The following ABCB1 variants were observed in gnomAD, a reference collection of about 807,000 sequenced individuals.
The protein encoded by ABCB1 is ATP binding cassette subfamily B member 1.
In ABCB1, 69 loss-of-function variants were observed where a neutral mutation model predicts 142.0. That is an observed-to-expected ratio of 0.49 (90% CI 0.40 to 0.59). The LOEUF (loss-of-function observed/expected upper bound fraction) is 0.59, where lower values mean the gene tolerates loss of function less well. Ranked by LOEUF, ABCB1 falls within the 20% of genes least tolerant of loss-of-function variation. ABCB1 has a pLI of 0.00. For synonymous variants in ABCB1, 532 were observed against 539.2 expected, an observed-to-expected ratio of 0.99 and a Z score of 0.18; for missense variants, 1,326 against 1,554.7, an observed-to-expected ratio of 0.85 and a Z score of 2.47.
rs558484702 is a variant in ABCB1 at position 87,637,395 on chromosome 7, ATTC to A, written c.-330-36320_-330-36318del. Among the ~76,000 whole-genome samples the A allele has an allele frequency of 7.2e-3, 1,101 of 152,240 alleles. 12 individuals are homozygous for A. Among genetic ancestry groups the A allele is most frequent in the Non-Finnish European group, 8.9e-3 (608 of 67,992 alleles). On this transcript the variant is annotated intron_variant, in intron 1 of 28. Transcript: ENST00000265724. ...TTTATTTTTCAAGATTATCTTGGCT[ATTC>A]TTGGCCTTTTACAAACTAAATTTTA...
At chr7:87,523,354 A>C (rs1045634583) in intron 21 of ABCB1, among the ~76,000 whole-genome samples, 3 of 152,092 alleles carry the variant, frequency 2.0e-5, no homozygotes, top group Admixed American at 6.6e-5. Flanking sequence ...TGGGCTGGGT[A>C]TGGTGGCTCA....
At chr7:87,528,444 G>T (rs1815893525) in intron 21 of ABCB1, among the ~76,000 whole-genome samples, 1 of 151,748 alleles carries the variant, frequency 6.6e-6, no homozygotes, top group Non-Finnish European at 1.5e-5. Flanking sequence ...AGGCTACATG[G>T]CTTGTGAGTT....
rs1316799605 is a variant in ABCB1, at chr7:87,549,859, G to A, written c.1546C>T (p.Leu516=). The A allele has an allele frequency of 6.2e-7, 1 of 1,614,194 alleles. No individual in the cohort carries two copies. Among genetic ancestry groups the A allele is most frequent in the Non-Finnish European group, 8.5e-7 (1 of 1,180,030 alleles). The change falls in exon 13 of 28, where the codon CTG becomes TTG. Residue 516 remains leucine, a synonymous_variant. Coordinates refer to ENST00000622132, the MANE Select transcript of ABCB1 (RefSeq NM_001348946.2). ...GGGCAAGGACAACTTACATGAGGCA[G>A]TTTCATGATAAAGTCATAGGCATTG... ...EANAYDFIMK[L]PHKFDTLVGE...
intron 1 of ABCB1, among the ~76,000 whole-genome samples, chr7:87,683,070 T>G (rs535142769): frequency 2.0e-5 from 3 of 152,210 alleles, no homozygotes; most frequent in African/African-American, 7.2e-5. Flanking sequence ...ATTATTTTTT[T>G]ATGTACAGAG....
At chr7:87,548,571 G>C (rs1397311726) in intron 14 of ABCB1, among the ~76,000 whole-genome samples, 1 of 152,108 alleles carries the variant, frequency 6.6e-6, no homozygotes, top group Non-Finnish European at 1.5e-5. Flanking sequence ...TGTTTTATTA[G>C]AGACAGGGAG....
intron 25 of ABCB1, among the ~76,000 whole-genome samples, chr7:87,510,668 G>C (rs577379945): frequency 6.6e-6 from 1 of 152,314 alleles, no homozygotes; most frequent in African/African-American, 2.4e-5. Flanking sequence ...GGCTCAAGGG[G>C]ACAGCTGCCT....
intron 1 of ABCB1, among the ~76,000 whole-genome samples, chr7:87,680,236 A>G (rs983238400): frequency 6.6e-6 from 1 of 150,416 alleles, no homozygotes. Context: ...GTAGTATTCC[A>G]TGGTGTGTAT....
At chr7:87,605,696 T>G (rs1020802518), upstream of ABCB1, among the ~76,000 whole-genome samples, 12 of 152,356 alleles carry the variant, frequency 7.9e-5, no homozygotes, top group African/African-American at 2.6e-4. Flanking sequence ...ACTTGATTTC[T>G]GTGTCATTTG....
intron 21 of ABCB1, among the ~76,000 whole-genome samples, chr7:87,525,381 A>G (rs1477058655): frequency 6.6e-6 from 1 of 152,148 alleles, no homozygotes; most frequent in Non-Finnish European, 1.5e-5. Context: ...TCTACAATGG[A>G]GCCTTGGACA....
At chr7:87,696,458 T>A (rs760984439) in intron 1 of ABCB1, among the ~76,000 whole-genome samples, 2 of 152,200 alleles carry the variant, frequency 1.3e-5, no homozygotes, top group Non-Finnish European at 2.9e-5. Context: ...GATAACTCAT[T>A]GAACACATCT....
intron 8 of ABCB1, among the ~76,000 whole-genome samples, chr7:87,558,766 C>T (rs1271231506): frequency 6.6e-6 from 1 of 151,782 alleles, no homozygotes; most frequent in African/African-American, 2.4e-5. Flanking sequence ...GTTTCTTATT[C>T]CTAGTTTTAC....
intron 4 of ABCB1, among the ~76,000 whole-genome samples, chr7:87,578,729 T>C (rs1447608069): frequency 6.8e-6 from 1 of 147,894 alleles, no homozygotes; most frequent in African/African-American, 2.5e-5. Context: ...AGTCTCGCTC[T>C]GTCGCCCAGG....
intron 5 of ABCB1, among the ~76,000 whole-genome samples, chr7:87,568,599 G>A (rs966633336): frequency 6.6e-5 from 10 of 152,164 alleles, no homozygotes; most frequent in Non-Finnish European, 1.5e-4. Context: ...TAGGTAACAA[G>A]CAGACAGTCT....
At chr7:87,528,453 T>C (rs1209935855) in intron 21 of ABCB1, among the ~76,000 whole-genome samples, 1 of 152,004 alleles carries the variant, frequency 6.6e-6, no homozygotes, top group Non-Finnish European at 1.5e-5. Flanking sequence ...GGCTTGTGAG[T>C]TTTTTCAAAT....
chr7:87,570,357 G>T, intron 4 of ABCB1, 134 bp from the exon 5 acceptor site: 1 of 875,074 alleles, frequency 1.1e-6, no homozygotes, highest in Non-Finnish European at 1.9e-6. Context: ...AGTTTTAATT[G>T]TGTGTAAGCA....
intron 1 of ABCB1, among the ~76,000 whole-genome samples, chr7:87,654,144 A>C (rs530833256): frequency 6.6e-6 from 1 of 152,152 alleles, no homozygotes; most frequent in East Asian, 1.9e-4. Context: ...TAAAATGTTT[A>C]TATTAACAAT....
At chr7:87,538,041 C>T (rs547178245) in intron 19 of ABCB1, among the ~76,000 whole-genome samples, 4 of 152,334 alleles carry the variant, frequency 2.6e-5, no homozygotes, top group African/African-American at 9.6e-5. Flanking sequence ...TCCTTGAACA[C>T]AGGGACCATT....
At chr7:87,648,180 G>C (rs1190547927) in intron 1 of ABCB1, among the ~76,000 whole-genome samples, 3 of 134,198 alleles carry the variant, frequency 2.2e-5, no homozygotes, top group Non-Finnish European at 4.7e-5. Context: ...GCGAGACTCT[G>C]TCTCAAAAAA....
intron 1 of ABCB1, among the ~76,000 whole-genome samples, chr7:87,619,070 C>T (rs752448671): frequency 6.6e-6 from 1 of 152,188 alleles, no homozygotes; most frequent in African/African-American, 2.4e-5. Context: ...AGACTTCTGA[C>T]CTACAGAACT....
Sources: gnomAD v4.1 joint callset for allele counts (sites outside exome capture counted in the v4.1 genomes callset) on GRCh38, gnomAD v4.1.1 for gene constraint, MANE v1.5 for transcripts, NCBI Gene and HGNC (gene_info 2026-07-23, HGNC 2026-07-21) for gene names.